KLHL29: variants seen among roughly 807,000 people sequenced by gnomAD.
The protein encoded by KLHL29 is kelch like family member 29, also known as kelch-like protein 29.
Under a neutral mutation model 80.4 loss-of-function variants are expected in KLHL29, and 21 were observed. The ratio of observed to expected loss-of-function variants is 0.26; its 90% CI spans 0.19 to 0.38. The LOEUF (loss-of-function observed/expected upper bound fraction) is 0.38, where lower values mean the gene tolerates loss of function less well. KLHL29 is among the 10% of genes least tolerant of loss of function. The pLI, the probability that KLHL29 is intolerant of heterozygous loss-of-function variation, is 1.00. For synonymous variants in KLHL29, 511 were observed against 526.8 expected (o/e 0.97, Z 0.41); for missense variants, 867 against 1,223.9 (o/e 0.71, Z 4.35).
At chr2:23,597,299 A>G (rs1173212058) in intron 3 of KLHL29, among the ~76,000 whole-genome samples, 1 of 96,856 alleles carries the variant, frequency 1.0e-5, no homozygotes, top group Non-Finnish European at 2.0e-5. Flanking sequence ...TCTCTCTCAT[A>G]TATATATATA....
rs531822518 is a variant in KLHL29 at position 23,569,527 on chromosome 2, T to C, written c.285+7046T>C. On this transcript the variant is annotated intron_variant, in intron 3 of 13. Coordinates refer to ENST00000486442, the MANE Select transcript of KLHL29 (RefSeq NM_052920.2). Reference sequence around the variant, plus strand: ...ATGTTGCAATTAAACAATTTTTTTTTCCCTTGAGAAAGGACAGTATTTTAG... The same window carrying C: ...ATGTTGCAATTAAACAATTTTTTTTCCCCTTGAGAAAGGACAGTATTTTAG... 8.5e-5 allele frequency among the ~76,000 whole-genome samples: 13 copies of C among 152,320 alleles called. No individual in the cohort carries two copies. The South Asian group carries it at 1.7e-3, about 19-fold the overall frequency.
At chr2:23,614,306 T>C (rs1014700840) in intron 3 of KLHL29, among the ~76,000 whole-genome samples, 7 of 152,210 alleles carry the variant, frequency 4.6e-5, no homozygotes, top group Non-Finnish European at 8.8e-5. Flanking sequence ...CCTGAGGCCG[T>C]GTCACTGGCA....
intron 3 of KLHL29, among the ~76,000 whole-genome samples, chr2:23,630,931 G>A (rs1167900561): frequency 6.6e-5 from 10 of 152,242 alleles, no homozygotes; most frequent in Non-Finnish European, 1.3e-4. Flanking sequence ...GCTGGCCAGG[G>A]AGGACCAGTT....
At chr2:23,615,547 G>A (rs1171817320) in intron 3 of KLHL29, among the ~76,000 whole-genome samples, 2 of 152,122 alleles carry the variant, frequency 1.3e-5, no homozygotes, top group Admixed American at 6.5e-5. Context: ...TGTGTGAGCC[G>A]CACTGCCTCT....
chr2:23,495,276 G>A (rs1665229271), intron 2 of KLHL29, among the ~76,000 whole-genome samples: 1 of 152,110 alleles, frequency 6.6e-6, no homozygotes, highest in African/African-American at 2.4e-5. Context: ...GTGCCTCTGT[G>A]GGCTGTCAGG....
chr2:23,615,100 C>T (rs1230998548), intron 3 of KLHL29, among the ~76,000 whole-genome samples: 1 of 152,240 alleles, frequency 6.6e-6, no homozygotes, highest in Admixed American at 6.5e-5. Context: ...TATCCAGTTG[C>T]CCTTTCAGGA....
intron 6 of KLHL29, 42 bp from the exon 7 acceptor site, chr2:23,691,632 C>T: frequency 2.0e-6 from 3 of 1,523,252 alleles, no homozygotes; most frequent in Non-Finnish European, 2.7e-6. Flanking sequence ...GGCACGGTGG[C>T]CGCAGGGCAG....
chr2:23,488,444 G>A (rs966327438), intron 2 of KLHL29, among the ~76,000 whole-genome samples: 1 of 152,222 alleles, frequency 6.6e-6, no homozygotes, highest in African/African-American at 2.4e-5. Context: ...GGGCCTTGGA[G>A]GGCTCTTGGC....
intron 3 of KLHL29, among the ~76,000 whole-genome samples, chr2:23,564,182 G>A (rs1667528740): frequency 6.6e-6 from 1 of 152,236 alleles, no homozygotes; most frequent in Admixed American, 6.5e-5. Flanking sequence ...GGCTGCTCTG[G>A]GGGATGAAGT....
intron 1 of KLHL29, among the ~76,000 whole-genome samples, chr2:23,472,384 T>G (rs1224598907): frequency 2.0e-5 from 3 of 152,012 alleles, no homozygotes. Flanking sequence ...TTCTCTAGTT[T>G]TAGCACTTTG....
intron 2 of KLHL29, among the ~76,000 whole-genome samples, chr2:23,525,053 A>T (rs1273596825): frequency 6.6e-6 from 1 of 152,242 alleles, no homozygotes; most frequent in Non-Finnish European, 1.5e-5. Flanking sequence ...ATTTGTTTTT[A>T]AAAGATCTCC....
chr2:23,498,428 G>A (rs1195534666), intron 2 of KLHL29, among the ~76,000 whole-genome samples: 1 of 152,182 alleles, frequency 6.6e-6, no homozygotes, highest in African/African-American at 2.4e-5. Context: ...ACAAACACCC[G>A]ATCAGGCAGG....
chr2:23,425,807 C>T (rs2103405092), intron 1 of KLHL29, among the ~76,000 whole-genome samples: 1 of 152,326 alleles, frequency 6.6e-6, no homozygotes, highest in African/African-American at 2.4e-5. Context: ...GAATTTTGTT[C>T]CTTGTACCAT....
rs543768779 is a variant in KLHL29, at chr2:23,487,852, C to T, written c.-46+12185C>T. 7.3e-4 allele frequency among the ~76,000 whole-genome samples: 111 copies of T among 152,274 alleles called. 1 individual carries two copies. Among genetic ancestry groups the T allele is most frequent in the African/African-American group, 2.6e-3 (108 of 41,560 alleles). On this transcript the variant is annotated intron_variant, in intron 2 of 13. Coordinates refer to ENST00000486442, the MANE Select transcript of KLHL29 (RefSeq NM_052920.2). ...CAGGGTGGAGTTTCTAGATGTTGAA[C>T]CTGTAATTGTCACACATCTGGAATG...
intron 1 of KLHL29, among the ~76,000 whole-genome samples, chr2:23,435,444 G>A (rs995227832): frequency 2.6e-5 from 4 of 152,128 alleles, no homozygotes; most frequent in African/African-American, 9.7e-5. Flanking sequence ...ACCACTGGGA[G>A]CCATAGAGTC....
intron 2 of KLHL29, among the ~76,000 whole-genome samples, chr2:23,509,190 G>A (rs1203776633): frequency 1.3e-5 from 2 of 152,150 alleles, no homozygotes; most frequent in African/African-American, 4.8e-5. Context: ...AGGCACCCGG[G>A]AAGACTGCGG....
chr2:23,601,005 A>G (rs1668555146), intron 3 of KLHL29, among the ~76,000 whole-genome samples: 1 of 152,222 alleles, frequency 6.6e-6, no homozygotes, highest in South Asian at 2.1e-4. Context: ...CCTGTGATGT[A>G]GGTATTGCCA....
chr2:23,486,824 C>T (rs1664942772), intron 2 of KLHL29, among the ~76,000 whole-genome samples: 1 of 152,164 alleles, frequency 6.6e-6, no homozygotes, highest in African/African-American at 2.4e-5. Flanking sequence ...CTGAAGCCCT[C>T]CTTCACCACT....
intron 3 of KLHL29, among the ~76,000 whole-genome samples, chr2:23,579,753 T>G (rs1405592040): frequency 1.3e-5 from 2 of 152,176 alleles, no homozygotes; most frequent in African/African-American, 2.4e-5. Flanking sequence ...AAAAGTGGCT[T>G]AAGACCCTTG....
Sources: allele counts gnomAD v4.1 joint callset (sites outside exome capture counted in the v4.1 genomes callset), GRCh38; gene constraint gnomAD v4.1.1; transcripts MANE v1.5; gene names NCBI Gene and HGNC (gene_info 2026-07-23, HGNC 2026-07-21).